RNGTT: variants seen among roughly 807,000 people sequenced by gnomAD.
RNGTT encodes the protein RNA guanylyltransferase and 5'-phosphatase, also known as mRNA-capping enzyme.
In RNGTT, 33 loss-of-function variants were observed where a neutral mutation model predicts 79.3. The observed-to-expected ratio is 0.42, with a 90% CI of 0.32 to 0.56. RNGTT has a LOEUF of 0.56. RNGTT is among the 20% of genes least tolerant of loss of function. The probability of loss-of-function intolerance (pLI) is 0.17; values close to 1 mark genes in which losing one functional copy is unlikely to be tolerated. For synonymous variants in RNGTT, 222 were observed against 235.9 expected (o/e 0.94, Z 0.54); for missense variants, 497 against 739.1 (o/e 0.67, Z 3.80).
chr6:88,621,280 A>G (rs184063630), intron 14 of RNGTT, among the ~76,000 whole-genome samples: 2 of 152,280 alleles, frequency 1.3e-5, no homozygotes, highest in Non-Finnish European at 2.9e-5. Context: ...AATTTCTATG[A>G]AGTTAATTTC....
chr6:88,863,294 A>T (rs1582556224), intron 8 of RNGTT, among the ~76,000 whole-genome samples: 1 of 152,228 alleles, frequency 6.6e-6, no homozygotes, highest in African/African-American at 2.4e-5. Flanking sequence ...CTTCTACATA[A>T]GCATAGCCAT....
chr6:88,640,147 T>C (rs1447997061), intron 14 of RNGTT, among the ~76,000 whole-genome samples: 4 of 152,184 alleles, frequency 2.6e-5, no homozygotes, highest in Non-Finnish European at 5.9e-5. Context: ...ATTCACCACT[T>C]GAATCCCAGT....
At chr6:88,651,503 CA>C (rs1773796316) in intron 14 of RNGTT, among the ~76,000 whole-genome samples, 1 of 151,928 alleles carries the variant, frequency 6.6e-6, no homozygotes, top group Non-Finnish European at 1.5e-5. Flanking sequence ...TTGATAAAAG[CA>C]CTAACTTTAA....
At chr6:88,828,125 C>T (rs899530834) in intron 11 of RNGTT, among the ~76,000 whole-genome samples, 3 of 152,178 alleles carry the variant, frequency 2.0e-5, no homozygotes, top group Non-Finnish European at 4.4e-5. Flanking sequence ...GGTCAACAGA[C>T]ACCTCATACA....
chr6:88,777,284 T>G (rs140650443), intron 12 of RNGTT, among the ~76,000 whole-genome samples: 122 of 152,322 alleles, frequency 8.0e-4, no homozygotes, highest in African/African-American at 2.7e-3. Flanking sequence ...AGTGTGATGC[T>G]TCCAACTTTG....
chr6:88,701,834 T>C (rs575379851), intron 13 of RNGTT, among the ~76,000 whole-genome samples: 2 of 132,828 alleles, frequency 1.5e-5, no homozygotes, highest in Non-Finnish European at 3.0e-5. Context: ...TGTAGAGACA[T>C]TGTTTTAATA....
intron 11 of RNGTT, among the ~76,000 whole-genome samples, chr6:88,831,619 T>C (rs889018761): frequency 2.0e-5 from 3 of 152,196 alleles, no homozygotes; most frequent in Non-Finnish European, 4.4e-5. Flanking sequence ...AAATAAAGTG[T>C]ATTCAAATAA....
intron 1 of RNGTT, among the ~76,000 whole-genome samples, chr6:88,957,312 G>A (rs1232421834): frequency 2.6e-5 from 4 of 152,160 alleles, no homozygotes; most frequent in African/African-American, 9.7e-5. Flanking sequence ...ACTGGAACAA[G>A]ACAAGGATGC....
At chr6:88,878,249 C>A (rs1782582720) in intron 8 of RNGTT, among the ~76,000 whole-genome samples, 1 of 152,034 alleles carries the variant, frequency 6.6e-6, no homozygotes. Flanking sequence ...ATGCAAGCCA[C>A]CACACCTGGC....
intron 2 of RNGTT, among the ~76,000 whole-genome samples, chr6:88,936,619 T>C (rs1784673508): frequency 6.6e-6 from 1 of 152,232 alleles, no homozygotes; most frequent in Non-Finnish European, 1.5e-5. Context: ...TTTGTCTGAC[T>C]CTATTGAGAT....
At chr6:88,761,888 C>T (rs1778271646) in intron 13 of RNGTT, among the ~76,000 whole-genome samples, 1 of 152,132 alleles carries the variant, frequency 6.6e-6, no homozygotes, top group African/African-American at 2.4e-5. Context: ...TGGTAATCCC[C>T]GATGGGTAAT....
intron 7 of RNGTT, 43 bp downstream of exon 7, chr6:88,891,763 A>T: frequency 7.6e-7 from 1 of 1,316,536 alleles, no homozygotes; most frequent in Non-Finnish European, 1.0e-6. Context: ...AGTGTTGTAA[A>T]ATAAGAGCAA....
At chr6:88,933,235 T>C (rs1164872810) in intron 2 of RNGTT, among the ~76,000 whole-genome samples, 1 of 152,250 alleles carries the variant, frequency 6.6e-6, no homozygotes, top group African/African-American at 2.4e-5. Flanking sequence ...TCCATCACCT[T>C]GAATATTTAT....
At chr6:88,863,345 T>C (rs980291985) in intron 8 of RNGTT, among the ~76,000 whole-genome samples, 2 of 152,216 alleles carry the variant, frequency 1.3e-5, no homozygotes, top group African/African-American at 2.4e-5. Flanking sequence ...TTTTTTACTA[T>C]GTCCTGTTTA....
At chr6:88,633,785 CGTTTTT>C (rs532895207) in intron 14 of RNGTT, among the ~76,000 whole-genome samples, 35 of 152,234 alleles carry the variant, frequency 2.3e-4, no homozygotes, top group Admixed American at 1.2e-3. Context: ...ATCAACTGCA[CGTTTTT>C]GTTTTTGTTT....
chr6:88,911,055 C>T (rs561291280), intron 4 of RNGTT, among the ~76,000 whole-genome samples: 1 of 152,154 alleles, frequency 6.6e-6, no homozygotes, highest in African/African-American at 2.4e-5. Context: ...GCCCACAGAC[C>T]CTATAAAACA....
chr6:88,692,032 T>C (rs531604958), intron 13 of RNGTT, among the ~76,000 whole-genome samples: 4 of 152,264 alleles, frequency 2.6e-5, no homozygotes, highest in African/African-American at 9.6e-5. Flanking sequence ...ATTAAACTTT[T>C]AAAAAGAAAC....
intron 13 of RNGTT, among the ~76,000 whole-genome samples, chr6:88,729,234 A>G (rs1347513570): frequency 2.6e-5 from 4 of 152,106 alleles, no homozygotes; most frequent in Non-Finnish European, 4.4e-5. Context: ...AAAATTTTCA[A>G]AAGCTTACCA....
intron 14 of RNGTT, among the ~76,000 whole-genome samples, chr6:88,655,403 T>G (rs115763868): frequency 0.021 from 3,129 of 152,294 alleles, 119 homozygotes; most frequent in African/African-American, 0.07. Flanking sequence ...AATGAAGAGA[T>G]AAGTATTTCT....
Sources: gnomAD v4.1 joint callset for allele counts (sites outside exome capture counted in the v4.1 genomes callset) on GRCh38, gnomAD v4.1.1 for gene constraint, MANE v1.5 for transcripts, NCBI Gene and HGNC (gene_info 2026-07-23, HGNC 2026-07-21) for gene names.